The following SP3 variants were observed in gnomAD, a reference collection of about 807,000 sequenced individuals.
SP3 encodes transcription factor Sp3.
In SP3, 10 loss-of-function variants were observed where a neutral mutation model predicts 70.3. That is an observed-to-expected ratio of 0.14 (90% CI 0.09 to 0.24). The LOEUF is 0.24. Among genes scored for constraint, SP3 ranks in the 10% least tolerant of loss-of-function variants. SP3 has a pLI of 1.00. For synonymous variants in SP3, 402 were observed against 333.5 expected (o/e 1.21, Z -2.24); for missense variants, 825 against 914.6 (o/e 0.90, Z 1.26).
intron 4 of SP3, among the ~76,000 whole-genome samples, chr2:173,939,252 G>A (rs1368647033): frequency 6.6e-6 from 1 of 152,128 alleles, no homozygotes; most frequent in Non-Finnish European, 1.5e-5. Flanking sequence ...AGACTTTACA[G>A]AAAGCAACAT....
At chr2:173,927,798 T>C (rs1407439865) in intron 4 of SP3, among the ~76,000 whole-genome samples, 3 of 152,346 alleles carry the variant, frequency 2.0e-5, no homozygotes, top group Non-Finnish European at 4.4e-5. Flanking sequence ...CTTCAGGGCA[T>C]CAGTTATTTA....
chr2:173,964,369 A>AG (rs778718965), intron 2 of SP3, 36 bp downstream of exon 2: 5 of 605,958 alleles, frequency 8.3e-6, no homozygotes, highest in East Asian at 3.4e-5. Context: ...AAGCGGCGCG[A>AG]GGGGGGAGCC....
chr2:173,910,504 A>G (rs1689448703), intron 6 of SP3, among the ~76,000 whole-genome samples: 1 of 152,210 alleles, frequency 6.6e-6, no homozygotes, highest in African/African-American at 2.4e-5. Context: ...ATAGATGGAT[A>G]TTCAAATAAG....
intron 4 of SP3, among the ~76,000 whole-genome samples, chr2:173,953,177 G>A (rs1179175273): frequency 6.6e-6 from 1 of 152,234 alleles, no homozygotes; most frequent in African/African-American, 2.4e-5. Flanking sequence ...TTAACTGCAA[G>A]TGCATGGTCA....
rs181171737 is a variant in SP3, at chr2:173,945,510, C to T, written c.1639+9363G>A. ...TATCCCAGACATATAAAGACATTTA[C>T]AACATCTTTATGTATACAGTATACA... On this transcript the variant is annotated intron_variant, in intron 4 of 6. Coordinates refer to ENST00000310015, the MANE Select transcript of SP3 (RefSeq NM_003111.5). 7.9e-5 allele frequency among the ~76,000 whole-genome samples: 12 copies of T among 152,180 alleles called. No homozygotes were observed. In the East Asian group the frequency reaches 2.1e-3, roughly 27 times the overall value.
intron 4 of SP3, 122 bp downstream of exon 4, chr2:173,954,751 C>T: frequency 1.2e-6 from 1 of 866,556 alleles, no homozygotes. Flanking sequence ...AACATATTTT[C>T]ATACAAACAT....
At position 173,905,953 on chromosome 2, in the gene SP3, T is replaced by C. The variant is rs897189241; in HGVS notation, c.*3988A>G. Reference sequence around the variant, plus strand: ...AAGTGGAGTCTGCAGTAAGCCATGATTGCACCACTGCACTGTGTGACAGAG... The same window carrying C: ...AAGTGGAGTCTGCAGTAAGCCATGACTGCACCACTGCACTGTGTGACAGAG... On this transcript the variant is annotated 3_prime_UTR_variant, in exon 7 of 7. Transcript: ENST00000310015. Among the ~76,000 whole-genome samples, 3 of 152,150 alleles carry C rather than the reference T, an allele frequency of 2.0e-5. No homozygotes were observed. Among genetic ancestry groups the C allele is most frequent in the Admixed American group, 6.5e-5 (1 of 15,272 alleles).
At chr2:173,954,494 ACTC>A (rs1690816650) in intron 4 of SP3, among the ~76,000 whole-genome samples, 1 of 152,046 alleles carries the variant, frequency 6.6e-6, no homozygotes, top group African/African-American at 2.4e-5. Flanking sequence ...TACCAACCTG[ACTC>A]CTCAACCAAA....
intron 4 of SP3, among the ~76,000 whole-genome samples, chr2:173,925,168 G>A (rs568773076): frequency 7.2e-4 from 110 of 152,332 alleles, no homozygotes; most frequent in African/African-American, 2.5e-3. Flanking sequence ...AAAGTGCTGG[G>A]ATTACAGGCG....
chr2:173,962,494 G>A (rs925789451), intron 3 of SP3, among the ~76,000 whole-genome samples: 3 of 152,166 alleles, frequency 2.0e-5, no homozygotes, highest in African/African-American at 7.2e-5. Context: ...ATCCATAAAT[G>A]TATTTAAAAA....
chr2:173,927,061 A>G (rs1364234886), intron 4 of SP3, among the ~76,000 whole-genome samples: 1 of 152,088 alleles, frequency 6.6e-6, no homozygotes, highest in African/African-American at 2.4e-5. Context: ...TCACATGACC[A>G]GGGCAGCAAG....
intron 4 of SP3, among the ~76,000 whole-genome samples, chr2:173,950,374 AT>A (rs1490264610): frequency 1.3e-5 from 2 of 152,182 alleles, no homozygotes; most frequent in Non-Finnish European, 2.9e-5. Flanking sequence ...CATTAATGTC[AT>A]GCTTATCAAA....
intron 4 of SP3, among the ~76,000 whole-genome samples, chr2:173,931,344 T>TTGTTGTTG (rs1690060044): frequency 1.3e-5 from 2 of 151,254 alleles, no homozygotes; most frequent in African/African-American, 4.9e-5. Context: ...GCCTGGCATT[T>TTGTTGTTG]TTGTTGTTGT....
chr2:173,964,008 C>G (rs1482810423), intron 2 of SP3, 125 bp from the exon 3 acceptor site: 1 of 524,906 alleles, frequency 1.9e-6, no homozygotes, highest in Non-Finnish European at 3.1e-6. Flanking sequence ...AGCGCCAGCC[C>G]GCGCTCTCCT....
At position 173,909,399 on chromosome 2, in the gene SP3, A is replaced by G. The variant is rs1374063139; in HGVS notation, c.*542T>C. 1 of 152,848 alleles carries G rather than the reference A, an allele frequency of 6.5e-6. No individual in the cohort carries two copies. The highest frequency in any genetic ancestry group is 1.5e-5 in the Non-Finnish European group (1 of 68,174). 9.5% of individuals were successfully genotyped at this position (152,848 alleles called of 1,614,324 possible). ...ACAAGAGTAATGCTTAAAATATTGT[A>G]CATAGTTAACCTAATTAAAATAATT... On this transcript the variant is annotated 3_prime_UTR_variant, in exon 7 of 7. Coordinates refer to ENST00000310015, the MANE Select transcript of SP3 (RefSeq NM_003111.5).
chr2:173,951,273 T>G (rs1690705595), intron 4 of SP3, among the ~76,000 whole-genome samples: 1 of 152,200 alleles, frequency 6.6e-6, no homozygotes, highest in Non-Finnish European at 1.5e-5. Flanking sequence ...GTCACTTAAC[T>G]CAAACCTTTT....
Position 173,913,080 on chromosome 2 carries a change from T to C in SP3, c.2019A>G (p.Arg673=). ...TRSDELQRHR[R]THTGEKKFVC... ...GTAAGTATTAGTAACCTGTATGTGTTCTTCTGTGCCTCTGTAATTCATCAC... is the reference window on the plus strand; with the variant it reads ...GTAAGTATTAGTAACCTGTATGTGTCCTTCTGTGCCTCTGTAATTCATCAC... The change falls in exon 6 of 7, where the codon AGA becomes AGG. Residue 673 remains arginine (R), a synonymous_variant. Transcript: ENST00000310015. 1 of 1,607,092 alleles carries C rather than the reference T, an allele frequency of 6.2e-7. No homozygotes were observed. Among genetic ancestry groups the C allele is most frequent in the Non-Finnish European group, 8.5e-7 (1 of 1,175,858 alleles).
rs1425109238 is a variant in SP3 at position 173,963,894 on chromosome 2, T to C, written c.157-11A>G. 7 of 1,463,054 alleles carry C rather than the reference T, an allele frequency of 4.8e-6. No homozygotes were observed. The highest frequency in any genetic ancestry group is 2.6e-4 in the Middle Eastern group (1 of 3,898). 90.6% of individuals were successfully genotyped at this position (1,463,054 alleles called of 1,614,324 possible). On this transcript the variant is annotated splice_polypyrimidine_tract_variant and intron_variant, in intron 2 of 6. Transcript: ENST00000310015. Reference sequence around the variant, plus strand: ...TGACGGCTGAGTGTCCTACCCCCAATGGGCGGGTTCAGAGAGGGAGACAGG... The same window carrying C: ...TGACGGCTGAGTGTCCTACCCCCAACGGGCGGGTTCAGAGAGGGAGACAGG...
Position 173,907,023 on chromosome 2 carries a change from T to C in SP3, c.*2918A>G, listed in dbSNP as rs1444645185. The C allele has an allele frequency of 6.6e-6, 1 of 152,196 alleles. No homozygotes were observed. The highest frequency in any genetic ancestry group is 1.9e-4 in the East Asian group (1 of 5,202). 9.4% of individuals were successfully genotyped at this position (152,196 alleles called of 1,614,324 possible). A position where few individuals can be genotyped will look rare whatever the true frequency, so the allele number is the denominator to read the frequency against. ...ACTATTTTGAAAGACCAAAGTTATT[T>C]ACAGGGCATCTGACTTTCTGCGGTA... On this transcript the variant is annotated 3_prime_UTR_variant, in exon 7 of 7. Coordinates refer to ENST00000310015, the MANE Select transcript of SP3 (RefSeq NM_003111.5).
Sources: allele counts gnomAD v4.1 joint callset (sites outside exome capture counted in the v4.1 genomes callset), GRCh38; gene constraint gnomAD v4.1.1; transcripts MANE v1.5; gene names NCBI Gene and HGNC (gene_info 2026-07-23, HGNC 2026-07-21).